The following NOVA1 variants were observed in gnomAD, a reference collection of about 807,000 sequenced individuals.
NOVA1 encodes RNA-binding protein Nova-1.
In NOVA1, 7 loss-of-function variants were observed where a neutral mutation model predicts 38.0. The ratio of observed to expected loss-of-function variants is 0.18; its 90% CI spans 0.10 to 0.35. The LOEUF (loss-of-function observed/expected upper bound fraction) is 0.35. Ranked by LOEUF, NOVA1 falls within the 10% of genes least tolerant of loss-of-function variation. The probability of loss-of-function intolerance (pLI) is 1.00; values close to 1 mark genes in which losing one functional copy is unlikely to be tolerated. For missense variants in NOVA1, 460 were observed against 616.0 expected, an observed-to-expected ratio of 0.75 and a Z score of 2.68; for synonymous variants, 270 against 232.5, an observed-to-expected ratio of 1.16 and a Z score of -1.47.
At chr14:26,595,961 G>A in intron 1 of NOVA1, 1 of 392,742 alleles carries the variant, frequency 2.5e-6, no homozygotes. Flanking sequence ...TAAAAAAGAA[G>A]AAAAGCCCAG....
intron 2 of NOVA1, among the ~76,000 whole-genome samples, chr14:26,499,361 G>A (rs1887080546): frequency 6.6e-6 from 1 of 152,044 alleles, no homozygotes; most frequent in Admixed American, 6.6e-5. Context: ...TAAAATTAGA[G>A]ACCAACAGTC....
intron 1 of NOVA1, chr14:26,596,921 C>G: frequency 4.2e-6 from 5 of 1,177,048 alleles, no homozygotes; most frequent in Non-Finnish European, 5.3e-6. Flanking sequence ...TTAAACGCAG[C>G]GCGCATCTTC....
chr14:26,555,568 G>A (rs77918306), intron 2 of NOVA1, among the ~76,000 whole-genome samples: 14 of 151,960 alleles, frequency 9.2e-5, no homozygotes, highest in Admixed American at 7.9e-4. Context: ...AAATTTATAC[G>A]TTTTTTCTAC....
At chr14:26,555,154 A>G (rs1348882270) in intron 2 of NOVA1, among the ~76,000 whole-genome samples, 4 of 152,094 alleles carry the variant, frequency 2.6e-5, no homozygotes, top group African/African-American at 7.2e-5. Context: ...AGTAACCTAA[A>G]ATACAATTGT....
chr14:26,511,755 GA>G (rs201869885), intron 2 of NOVA1, among the ~76,000 whole-genome samples: 28 of 142,464 alleles, frequency 2.0e-4, no homozygotes, highest in Admixed American at 3.5e-4. Flanking sequence ...TGTCTCAAAA[GA>G]AAAAAAAAAA....
At position 26,479,995 on chromosome 14, in the gene NOVA1, A is replaced by G. The variant is rs760951172; in HGVS notation, c.429T>C (p.Asn143=). The part of the protein sequence containing the change: ...VSILQPQTTV[N]PDRIKQTLPS... ...CACTCACTTGTTTGATGCGATCTGG[A>G]TTAACGGTGGTCTGGGGTTGTAGAA... Residue 143 remains asparagine (N), a synonymous_variant, in exon 3 of 5, where the codon AAT becomes AAC. Coordinates refer to ENST00000539517, the MANE Select transcript of NOVA1 (RefSeq NM_002515.3). 2 of 1,613,848 alleles carry G rather than the reference A, an allele frequency of 1.2e-6. No homozygotes were observed. The highest frequency in any genetic ancestry group is 1.7e-5 in the Admixed American group (1 of 59,970).
At chr14:26,497,180 T>A (rs1442714659) in intron 2 of NOVA1, among the ~76,000 whole-genome samples, 1 of 152,056 alleles carries the variant, frequency 6.6e-6, no homozygotes, top group African/African-American at 2.4e-5. Flanking sequence ...AAATCATGAG[T>A]GAACTCCCAT....
intron 2 of NOVA1, among the ~76,000 whole-genome samples, chr14:26,492,392 A>C (rs1444533018): frequency 1.3e-5 from 2 of 152,176 alleles, no homozygotes; most frequent in African/African-American, 2.4e-5. Flanking sequence ...TACCAGAAAA[A>C]TGTTTAATAA....
At chr14:26,580,962 G>C (rs757992934) in intron 2 of NOVA1, among the ~76,000 whole-genome samples, 4 of 151,932 alleles carry the variant, frequency 2.6e-5, no homozygotes, top group Admixed American at 2.6e-4. Context: ...AAAAATGATA[G>C]GGTCATAATA....
intron 4 of NOVA1, among the ~76,000 whole-genome samples, chr14:26,469,787 G>T (rs1884439170): frequency 6.6e-6 from 1 of 152,080 alleles, no homozygotes; most frequent in Admixed American, 6.6e-5. Context: ...TAGAGACAGG[G>T]TCTTGGCTAT....
At chr14:26,524,005 C>A (rs1433110623) in intron 2 of NOVA1, among the ~76,000 whole-genome samples, 1 of 152,164 alleles carries the variant, frequency 6.6e-6, no homozygotes, top group East Asian at 1.9e-4. Context: ...CCCGCCTTGG[C>A]CTCCCAAAGT....
intron 2 of NOVA1, among the ~76,000 whole-genome samples, chr14:26,584,852 T>A (rs1893425010): frequency 6.6e-6 from 1 of 151,442 alleles, no homozygotes. Context: ...AATTCTCCAT[T>A]ATACAGTTAT....
intron 2 of NOVA1, among the ~76,000 whole-genome samples, chr14:26,542,160 G>GT (rs1890503015): frequency 6.6e-6 from 1 of 151,796 alleles, no homozygotes; most frequent in South Asian, 2.1e-4. Context: ...GAAGAAAAAA[G>GT]ATCACTGGGC....
Position 26,480,001 on chromosome 14 carries a change from G to A in NOVA1, c.423C>T (p.Thr141=), listed in dbSNP as rs114949068. The A allele has an allele frequency of 5.6e-5, 90 of 1,613,912 alleles. 1 individual carries two copies. Among genetic ancestry groups the A allele is most frequent in the South Asian group, 4.1e-4 (37 of 91,066 alleles). The change falls in exon 3 of 5, where the codon ACC becomes ACT. Residue 141 remains threonine, a synonymous_variant. Coordinates refer to ENST00000539517, the MANE Select transcript of NOVA1 (RefSeq NM_002515.3). ...EPVSILQPQT[T]VNPDRIKQTL... ...CTTGTTTGATGCGATCTGGATTAACGGTGGTCTGGGGTTGTAGAATGCTGA... is the reference window on the plus strand; with the variant it reads ...CTTGTTTGATGCGATCTGGATTAACAGTGGTCTGGGGTTGTAGAATGCTGA...
chr14:26,504,907 G>A (rs997224614), intron 2 of NOVA1, among the ~76,000 whole-genome samples: 3 of 152,158 alleles, frequency 2.0e-5, no homozygotes, highest in South Asian at 4.1e-4. Context: ...AGGGAAAAGG[G>A]AATTAATTTT....
chr14:26,546,861 T>C (rs1890819781), intron 2 of NOVA1, among the ~76,000 whole-genome samples: 1 of 151,798 alleles, frequency 6.6e-6, no homozygotes, highest in Admixed American at 6.6e-5. Context: ...CTACTACAAA[T>C]AGAAAAAATT....
intron 2 of NOVA1, 101 bp from the exon 3 acceptor site, chr14:26,480,244 G>C: frequency 1.1e-6 from 1 of 916,732 alleles, no homozygotes; most frequent in Non-Finnish European, 1.6e-6. Context: ...GTAAAATGCA[G>C]AACTCTAACG....
At chr14:26,509,307 G>C (rs1198220941) in intron 2 of NOVA1, among the ~76,000 whole-genome samples, 1 of 152,092 alleles carries the variant, frequency 6.6e-6, no homozygotes, top group Non-Finnish European at 1.5e-5. Context: ...ATACATGGAG[G>C]AATGAGATTG....
chr14:26,500,613 C>A lies in NOVA1; in HGVS notation c.281-20470G>T, dbSNP rs553849692. ...GAATATGAAAAGAAATGGAGATACA[C>A]AGGCAATACACAGTATGCAGAAGAA... On this transcript the variant is annotated intron_variant, in intron 2 of 4. Transcript: ENST00000539517. 7.3e-4 allele frequency among the ~76,000 whole-genome samples: 111 copies of A among 151,874 alleles called. 1 individual carries two copies. Among genetic ancestry groups the A allele is most frequent in the African/African-American group, 2.7e-3 (110 of 41,474 alleles).
Sources: gnomAD v4.1 joint callset for allele counts (sites outside exome capture counted in the v4.1 genomes callset) on GRCh38, gnomAD v4.1.1 for gene constraint, MANE v1.5 for transcripts, NCBI Gene and HGNC (gene_info 2026-07-23, HGNC 2026-07-21) for gene names.